Variants in CBFA2T3 observed in about 807,000 individuals in gnomAD.
The protein encoded by CBFA2T3 is transcriptional corepressor CBFA2T3.
A neutral mutation model predicts 58.6 loss-of-function variants in CBFA2T3; 31 were observed. The observed-to-expected ratio is 0.53, with a 90% confidence interval of 0.40 to 0.71. The LOEUF (loss-of-function observed/expected upper bound fraction) is 0.71. Among genes scored for constraint, CBFA2T3 ranks in the 30% least tolerant of loss-of-function variants. CBFA2T3 has a pLI of 0.00. For missense variants in CBFA2T3, 1,076 were observed against 963.1 expected (o/e 1.12, Z -1.55); for synonymous variants, 531 against 421.9 (o/e 1.26, Z -3.17).
intron 1 of CBFA2T3, among the ~76,000 whole-genome samples, chr16:88,903,977 G>T (rs556558636): frequency 1.2e-4 from 19 of 152,232 alleles, no homozygotes; most frequent in Non-Finnish European, 2.2e-4. Context: ...ACGGGCGCTC[G>T]TAGGATGGAC....
intron 2 of CBFA2T3, among the ~76,000 whole-genome samples, chr16:88,901,289 C>T (rs1027911434): frequency 2.0e-5 from 3 of 152,236 alleles, no homozygotes; most frequent in Non-Finnish European, 4.4e-5. Flanking sequence ...CCAGGCCCCC[C>T]GGAGGGCAAG....
At chr16:88,931,173 TGA>T (rs921522322) in intron 1 of CBFA2T3, among the ~76,000 whole-genome samples, 2 of 151,934 alleles carry the variant, frequency 1.3e-5, no homozygotes, top group African/African-American at 4.8e-5. Flanking sequence ...ACCTTAAATG[TGA>T]GAGGGGCTCA....
At position 88,876,430 on chromosome 16, in the gene CBFA2T3, T is replaced by C; in HGVS notation, c.*546A>G. ...TCCAGCTATAAAATCGCAGTTTTCT[T>C]TCTCCCTTTTTAATCAGGAGGGGGA... On this transcript the variant is annotated 3_prime_UTR_variant, in exon 12 of 12. Coordinates refer to ENST00000268679, the MANE Select transcript of CBFA2T3 (RefSeq NM_005187.6). The C allele has an allele frequency of 4.3e-6, 1 of 230,474 alleles. No individual in the cohort carries two copies. The highest frequency in any genetic ancestry group is 8.6e-6 in the Non-Finnish European group (1 of 116,292). 14.3% of individuals were successfully genotyped at this position (230,474 alleles called of 1,614,324 possible). A position where few individuals can be genotyped will look rare whatever the true frequency, so the allele number is the denominator to read the frequency against.
Position 88,953,630 on chromosome 16 carries a change from C to T in CBFA2T3, c.151+23027G>A, listed in dbSNP as rs1211356357. On this transcript the variant is annotated intron_variant, in intron 1 of 11. Transcript: ENST00000268679. This position sits in a 1 kb window ranked among gnomAD's most constrained non-coding sequence, Gnocchi z 4.9. ...CCAGCAGGAGTGGCCGGGACGATGA[C>T]GAGGTGAGGTGTCTGCTCCCAGGCT... Among the ~76,000 whole-genome samples the T allele has an allele frequency of 2.0e-5, 3 of 152,166 alleles. No individual in the cohort carries two copies. Among genetic ancestry groups the T allele is most frequent in the Admixed American group, 1.3e-4 (2 of 15,280 alleles).
At chr16:88,887,473 G>T (rs1009495995) in intron 5 of CBFA2T3, among the ~76,000 whole-genome samples, 1 of 152,204 alleles carries the variant, frequency 6.6e-6, no homozygotes, top group East Asian at 1.9e-4. Context: ...CCAGCTGGGA[G>T]CCGGGGCGGT....
At chr16:88,910,010 T>C (rs1970478351) in intron 1 of CBFA2T3, among the ~76,000 whole-genome samples, 2 of 152,228 alleles carry the variant, frequency 1.3e-5, no homozygotes, top group African/African-American at 4.8e-5. Context: ...GCTCCCCAGC[T>C]GCTTGGCCAG....
intron 11 of CBFA2T3, among the ~76,000 whole-genome samples, chr16:88,878,583 C>T (rs1396553386): frequency 1.3e-5 from 2 of 152,208 alleles, no homozygotes; most frequent in African/African-American, 2.4e-5. Flanking sequence ...GGGAGGGAGC[C>T]GGGCGCCTCG....
At chr16:88,950,024 G>A (rs1279701203) in intron 1 of CBFA2T3, among the ~76,000 whole-genome samples, 1 of 151,662 alleles carries the variant, frequency 6.6e-6, no homozygotes, top group African/African-American at 2.4e-5. Context: ...AAAAGAAAAC[G>A]AAGGAACGAA....
At chr16:88,963,299 T>TCGTCTTCTGC in intron 1 of CBFA2T3, among the ~76,000 whole-genome samples, 4 of 150,124 alleles carry the variant, frequency 2.7e-5, no homozygotes, top group South Asian at 2.1e-4. Context: ...GGGTGGGCGC[T>TCGTCTTCTGC]CATCTTCTGC....
At chr16:88,893,919 G>A (rs1236035762) in intron 3 of CBFA2T3, among the ~76,000 whole-genome samples, 2 of 152,182 alleles carry the variant, frequency 1.3e-5, no homozygotes, top group Admixed American at 1.3e-4. Context: ...CAGGTCAGAG[G>A]TCACAGGGCT....
At chr16:88,908,530 C>T (rs1008768181) in intron 1 of CBFA2T3, among the ~76,000 whole-genome samples, 8 of 152,214 alleles carry the variant, frequency 5.3e-5, no homozygotes, top group East Asian at 3.9e-4. Flanking sequence ...TGCAATGTGC[C>T]GGGGCCGCTC....
At chr16:88,920,504 C>T (rs1333672800) in intron 1 of CBFA2T3, among the ~76,000 whole-genome samples, 8 of 150,908 alleles carry the variant, frequency 5.3e-5, no homozygotes, top group South Asian at 2.1e-4. Context: ...AGGCTGGTCT[C>T]GAACTCCTGA....
intron 3 of CBFA2T3, among the ~76,000 whole-genome samples, chr16:88,896,336 G>A (rs905655041): frequency 6.6e-6 from 1 of 152,208 alleles, no homozygotes; most frequent in Non-Finnish European, 1.5e-5. Flanking sequence ...TAGCCTGTCT[G>A]CGCCCCTGGC....
intron 3 of CBFA2T3, among the ~76,000 whole-genome samples, chr16:88,894,521 GCATA>G (rs1208587479): frequency 2.5e-5 from 3 of 121,228 alleles, no homozygotes; most frequent in East Asian, 3.3e-4. Context: ...ACACACACAT[GCATA>G]CATATACACA....
chr16:88,917,058 C>T (rs552222728), intron 1 of CBFA2T3, among the ~76,000 whole-genome samples: 2 of 146,816 alleles, frequency 1.4e-5, no homozygotes, highest in South Asian at 2.1e-4. Flanking sequence ...TAGGTGACAC[C>T]GTGACTCTGT....
chr16:88,912,867 A>G (rs1970574220), intron 1 of CBFA2T3, among the ~76,000 whole-genome samples: 1 of 152,102 alleles, frequency 6.6e-6, no homozygotes, highest in South Asian at 2.1e-4. Context: ...CCCCTCATCC[A>G]TTAAGTGGGA....
At chr16:88,899,903 G>T (rs1302967336) in intron 2 of CBFA2T3, among the ~76,000 whole-genome samples, 1 of 152,142 alleles carries the variant, frequency 6.6e-6, no homozygotes, top group African/African-American at 2.4e-5. Context: ...ATGTGGGCTC[G>T]GTGTGGTCGC....
chr16:88,893,897 A>G (rs1045500641), intron 3 of CBFA2T3, among the ~76,000 whole-genome samples: 2 of 152,276 alleles, frequency 1.3e-5, no homozygotes, highest in South Asian at 4.1e-4. Flanking sequence ...GGCGGCCTCC[A>G]GGCTCTGAAG....
At chr16:88,931,514 G>A (rs1454819204) in intron 1 of CBFA2T3, among the ~76,000 whole-genome samples, 1 of 152,182 alleles carries the variant, frequency 6.6e-6, no homozygotes, top group African/African-American at 2.4e-5. Context: ...CGAGCCAGAG[G>A]TGGAGAAGGG....
Sources: gnomAD v4.1 joint callset for allele counts (sites outside exome capture counted in the v4.1 genomes callset) on GRCh38, gnomAD v4.1.1 for gene constraint, Gnocchi (gnomAD v3.1) non-coding constraint, MANE v1.5 for transcripts, NCBI Gene and HGNC (gene_info 2026-07-23, HGNC 2026-07-21) for gene names.